SCN3A: variants seen among roughly 807,000 people sequenced by gnomAD.
The protein encoded by SCN3A is sodium channel protein type 3 subunit alpha.
In SCN3A, 60 loss-of-function variants were observed where a neutral mutation model predicts 187.6. That is an observed-to-expected ratio of 0.32 (90% CI 0.26 to 0.40). The LOEUF (loss-of-function observed/expected upper bound fraction) is 0.40, where lower values mean the gene tolerates loss of function less well. Ranked by LOEUF, SCN3A falls within the 10% of genes least tolerant of loss-of-function variation. The pLI, the probability that SCN3A is intolerant of heterozygous loss-of-function variation, is 1.00. For synonymous variants in SCN3A, 788 were observed against 829.2 expected (o/e 0.95, Z 0.85); for missense variants, 1,601 against 2,428.2 (o/e 0.66, Z 7.16).
intron 15 of SCN3A, among the ~76,000 whole-genome samples, chr2:165,137,062 T>G (rs2105797799): frequency 6.6e-6 from 1 of 152,182 alleles, no homozygotes; most frequent in Non-Finnish European, 1.5e-5. Context: ...GTGTAGAGGT[T>G]GTAGGATGGA....
chr2:165,183,577 CT>C (rs1467893762), intron 2 of SCN3A, among the ~76,000 whole-genome samples: 3 of 152,140 alleles, frequency 2.0e-5, no homozygotes, highest in African/African-American at 7.2e-5. Context: ...TTCGGATATG[CT>C]GTGGTGTTAC....
intron 18 of SCN3A, 49 bp downstream of exon 18, chr2:165,127,582 T>C: frequency 7.1e-7 from 1 of 1,409,186 alleles, no homozygotes; most frequent in Non-Finnish European, 1.0e-6. Flanking sequence ...ATAACTGTAG[T>C]ACATGGTTAT....
chr2:165,095,121 G>A (rs1247737904), intron 25 of SCN3A, among the ~76,000 whole-genome samples: 2 of 152,100 alleles, frequency 1.3e-5, no homozygotes, highest in Non-Finnish European at 2.9e-5. Context: ...TTCAGAAAAG[G>A]GCAGAAAGCT....
chr2:165,113,104 C>A, intron 20 of SCN3A, 46 bp from the exon 21 acceptor site: 1 of 1,492,966 alleles, frequency 6.7e-7, no homozygotes, highest in African/African-American at 1.4e-5. Flanking sequence ...CTTGCTTCTT[C>A]TAAATATTTG....
chr2:165,156,382 G>A (rs1275088156), intron 9 of SCN3A, among the ~76,000 whole-genome samples: 8 of 151,028 alleles, frequency 5.3e-5, no homozygotes, highest in East Asian at 1.9e-4. Flanking sequence ...GCGTTGTGGT[G>A]GGTGCCTGTA....
chr2:165,192,148 C>T (rs1691653063), intron 1 of SCN3A, among the ~76,000 whole-genome samples: 3 of 151,984 alleles, frequency 2.0e-5, no homozygotes, highest in Non-Finnish European at 4.4e-5. Flanking sequence ...CAAAGTCAAA[C>T]TTTATAGGCA....
intron 17 of SCN3A, 101 bp downstream of exon 17, chr2:165,129,839 C>A (rs763206612): frequency 4.1e-5 from 59 of 1,442,982 alleles, no homozygotes; most frequent in Non-Finnish European, 5.6e-5. Flanking sequence ...TCAGTCTAGG[C>A]CACTTACTAT....
intron 1 of SCN3A, among the ~76,000 whole-genome samples, chr2:165,200,867 G>T (rs1307793073): frequency 6.6e-6 from 1 of 152,068 alleles, no homozygotes; most frequent in Non-Finnish European, 1.5e-5. Flanking sequence ...CAGGGATTTT[G>T]CAGTCCATCA....
chr2:165,135,629 A>G (rs1687620537), intron 15 of SCN3A, among the ~76,000 whole-genome samples: 1 of 152,074 alleles, frequency 6.6e-6, no homozygotes, highest in South Asian at 2.1e-4. Flanking sequence ...CTCTGCATAT[A>G]TATTAAACAT....
intron 2 of SCN3A, 106 bp from the exon 3 acceptor site, chr2:165,176,550 T>A: frequency 1.2e-6 from 1 of 832,482 alleles, no homozygotes; most frequent in Non-Finnish European, 1.9e-6. Context: ...CTATAAACAT[T>A]AAGTCATGCT....
At position 165,130,135 on chromosome 2, in the gene SCN3A, T is replaced by A; in HGVS notation, c.2727A>T (p.Lys909Asn). The A allele has an allele frequency of 6.2e-7, 1 of 1,614,180 alleles. No homozygotes were observed. The highest frequency in any genetic ancestry group is 8.5e-7 in the Non-Finnish European group (1 of 1,180,020). Residue 909 changes from lysine (K) to asparagine (N), a missense_variant, in exon 17 of 28, where the codon AAA becomes AAT. Around this residue, in one of 11 missense-constraint regions of SCN3A, gnomAD observed 91 missense variants for 207.0 expected, o/e 0.44. Transcript: ENST00000283254. ...CATCATTGATCTTGCAGACACATTC[T>A]TTGTAGCTCTTACCAAAGAGCTGCA... ...VGMQLFGKSY[K>N]ECVCKINDDC... is the part of the protein sequence containing the mutation.
At chr2:165,172,374 G>A (rs575153292) in intron 3 of SCN3A, among the ~76,000 whole-genome samples, 1 of 152,092 alleles carries the variant, frequency 6.6e-6, no homozygotes, top group Non-Finnish European at 1.5e-5. Flanking sequence ...TTTATGAAGC[G>A]GGCAAGCAAA....
At chr2:165,094,547 T>C in intron 25 of SCN3A, 69 bp from the exon 26 acceptor site, 1 of 1,016,422 alleles carries the variant, frequency 9.8e-7, no homozygotes, top group Non-Finnish European at 1.5e-6. Flanking sequence ...AATATTTGTC[T>C]TTCCTTTAAT....
chr2:165,096,417 T>G (rs1397083686), intron 24 of SCN3A, 50 bp downstream of exon 24: 1 of 1,433,730 alleles, frequency 7.0e-7, no homozygotes, highest in South Asian at 1.2e-5. Context: ...ACCACCAATA[T>G]TCACCATAAG....
At chr2:165,164,274 C>G in intron 6 of SCN3A, 118 bp downstream of exon 6, 1 of 1,261,070 alleles carries the variant, frequency 7.9e-7, no homozygotes, top group Non-Finnish European at 1.1e-6. Flanking sequence ...AATACACAAT[C>G]CATATAGTTA....
intron 2 of SCN3A, among the ~76,000 whole-genome samples, chr2:165,182,545 C>G (rs1295149215): frequency 6.6e-6 from 1 of 152,042 alleles, no homozygotes; most frequent in African/African-American, 2.4e-5. Context: ...ATTTAATGCA[C>G]AAGTATAGGA....
In SCN3A at chr2:165,162,838, G is replaced by C. The variant is rs1203143703; in HGVS notation, c.695-10C>G. The C allele has an allele frequency of 1.2e-6, 2 of 1,613,872 alleles. No homozygotes were observed. Among genetic ancestry groups the C allele is most frequent in the Admixed American group, 1.7e-5 (1 of 60,002 alleles). ...ACAATGGTCTTTAAACCTGCAGAGA[G>C]AGAACTATAGGTTACCTGAGGAAGA... On this transcript the variant is annotated splice_polypyrimidine_tract_variant and intron_variant, in intron 7 of 27. Coordinates refer to ENST00000283254, the MANE Select transcript of SCN3A (RefSeq NM_006922.4).
chr2:165,127,646 T>C lies in SCN3A; in HGVS notation c.3378A>G (p.Leu1126=), dbSNP rs1248010800. 1.9e-6 allele frequency: 3 copies of C among 1,613,712 alleles called. No individual in the cohort carries two copies. In the African/African-American group the frequency reaches 4.0e-5, roughly 22 times the overall value. ...NTEEFSSESE[L]EESKEKLNAT... The stretch of plus-strand genomic sequence containing the variant: ...GCATTCTTACCTCTTTGCTTTCTTC[T>C]AGTTCTGACTCACTGCTGAACTCTT... The change falls in exon 18 of 28, where the codon CTA becomes CTG. Residue 1126 remains leucine (L), a synonymous_variant. Transcript: ENST00000283254.
intron 2 of SCN3A, among the ~76,000 whole-genome samples, chr2:165,180,084 C>CT (rs1690745595): frequency 6.6e-6 from 1 of 152,058 alleles, no homozygotes; most frequent in African/African-American, 2.4e-5. Context: ...ATCTCTTTAA[C>CT]TAAAAACCAA....
Sources: gnomAD v4.1 joint callset for allele counts (sites outside exome capture counted in the v4.1 genomes callset) on GRCh38, gnomAD v4.1.1 for gene constraint, gnomAD v4.1.1 regional missense constraint, MANE v1.5 for transcripts, NCBI Gene and HGNC (gene_info 2026-07-23, HGNC 2026-07-21) for gene names.